KIF21B: variants seen among roughly 807,000 people sequenced by gnomAD.
KIF21B encodes the protein kinesin family member 21B.
Under a neutral mutation model 192.9 loss-of-function variants are expected in KIF21B, and 85 were observed. That is an observed-to-expected ratio of 0.44 (90% confidence interval 0.37 to 0.53). The LOEUF (loss-of-function observed/expected upper bound fraction) is 0.53, where lower values mean the gene tolerates loss of function less well. Among genes scored for constraint, KIF21B ranks in the 20% least tolerant of loss-of-function variants. The pLI is 0.00. For missense variants in KIF21B, 1,716 were observed against 2,194.8 expected, an observed-to-expected ratio of 0.78 and a Z score of 4.36; for synonymous variants, 832 against 884.6, an observed-to-expected ratio of 0.94 and a Z score of 1.05.
chr1:201,006,883 G>C (rs965394486), intron 3 of KIF21B, among the ~76,000 whole-genome samples: 5 of 133,822 alleles, frequency 3.7e-5, no homozygotes, highest in Admixed American at 1.5e-4. Context: ...CAGACACAGA[G>C]ACACATAGAC....
In KIF21B at chr1:201,023,609, G is replaced by A. The variant is rs1030772435; in HGVS notation, c.-226C>T. 5.3e-5 allele frequency: 8 copies of A among 150,818 alleles called. 1 individual carries two copies. The highest frequency in any genetic ancestry group is 1.9e-4 in the African/African-American group (8 of 41,080). 9.3% of individuals were successfully genotyped at this position (150,818 alleles called of 1,614,324 possible). A position where few individuals can be genotyped will look rare whatever the true frequency, so the allele number is the denominator to read the frequency against. ...GCGCCTCCTCGCGCCATCGGGCGGCGGCGCGGAGCTAGCTGACAGCCGGCG... is the reference window on the plus strand; with the variant it reads ...GCGCCTCCTCGCGCCATCGGGCGGCAGCGCGGAGCTAGCTGACAGCCGGCG... On this transcript the variant is annotated 5_prime_UTR_variant, in exon 1 of 35. Transcript: ENST00000461742. The surrounding 1 kb of genome is among the most constrained non-coding windows in gnomAD (Gnocchi z 5.9).
intron 27 of KIF21B, among the ~76,000 whole-genome samples, chr1:200,983,654 T>C (rs1292710066): frequency 6.6e-6 from 1 of 152,168 alleles, no homozygotes; most frequent in African/African-American, 2.4e-5. Context: ...CCTGGACCAT[T>C]GGACAAGACC....
intron 3 of KIF21B, among the ~76,000 whole-genome samples, chr1:201,007,195 C>G (rs1266652108): frequency 7.6e-6 from 1 of 131,224 alleles, no homozygotes; most frequent in East Asian, 2.1e-4. Context: ...CACAGAGACA[C>G]ACAGACACAC....
Position 201,023,342 on chromosome 1 carries a change from C to T in KIF21B, c.41+1G>A. The T allele has an allele frequency of 6.5e-7, 1 of 1,530,800 alleles. No individual in the cohort carries two copies. The allele number at this position is 1,530,800 out of a possible 1,614,324, so 94.8% of individuals were successfully genotyped here. ...CCCCCTTCCCCGCCCCGGGTCCCTACCTGACGGCCACCTTGACGCAGCAGT... is the reference window on the plus strand; with the variant it reads ...CCCCCTTCCCCGCCCCGGGTCCCTATCTGACGGCCACCTTGACGCAGCAGT... On this transcript the variant is annotated splice_donor_variant, in intron 1 of 34. Transcript: ENST00000461742. LOFTEE classifies it high-confidence loss of function. The surrounding 1 kb of genome is among the most constrained non-coding windows in gnomAD (Gnocchi z 5.9).
chr1:200,974,150 G>C (rs559417656), intron 34 of KIF21B: 1 of 1,596,026 alleles, frequency 6.3e-7, no homozygotes, highest in Middle Eastern at 1.8e-4. Flanking sequence ...AGGAAGGCAG[G>C]GGGTGAGTCC....
At chr1:201,011,894 C>T (rs1658253083) in intron 1 of KIF21B, among the ~76,000 whole-genome samples, 1 of 152,222 alleles carries the variant, frequency 6.6e-6, no homozygotes, top group East Asian at 1.9e-4. Context: ...GAATCATCAT[C>T]CCTGGAGACA....
At chr1:200,983,171 G>A in intron 27 of KIF21B, 77 bp from the exon 28 acceptor site, 8 of 1,278,208 alleles carry the variant, frequency 6.3e-6, no homozygotes, top group Non-Finnish European at 8.8e-6. Context: ...CGGCAGCAGT[G>A]TGTGGGGTGG....
chr1:200,986,000 C>T (rs1413050082), intron 26 of KIF21B, among the ~76,000 whole-genome samples: 3 of 151,114 alleles, frequency 2.0e-5, no homozygotes, highest in African/African-American at 7.3e-5. Context: ...TGCACACCAC[C>T]ACGCCCAGCC....
intron 34 of KIF21B, chr1:200,973,801 G>T: frequency 1.4e-6 from 2 of 1,434,582 alleles, no homozygotes; most frequent in Non-Finnish European, 1.8e-6. Flanking sequence ...TTTGTCATGG[G>T]TTTTCTTTTT....
In KIF21B at chr1:200,981,067, T is replaced by C. The variant is rs751902877; in HGVS notation, c.3872A>G (p.Lys1291Arg). The change falls in exon 29 of 35, where the codon AAG becomes AGG. Residue 1291 changes from lysine to arginine, a missense_variant. Transcript: ENST00000461742. ...CTGCAGTGGGGCCGTCCGTGCACCC[T>C]TGGCTCCTCCAACCGGGGAGATGAT... The part of the protein sequence containing the change: ...RGIISPVGGA[K>R]GARTAPLQCV... 27 of 1,598,974 alleles carry C rather than the reference T, an allele frequency of 1.7e-5. No homozygotes were observed. The East Asian group carries it at 5.9e-4, about 35-fold the overall frequency.
chr1:200,989,085 C>A lies in KIF21B; in HGVS notation c.3133-154G>T, dbSNP rs74138807. ...GGCACAGACCTGAGAGCACCGCCAG[C>A]CCCCTTAGCTCCCACATACACACAT... On this transcript the variant is annotated intron_variant, in intron 21 of 34. Coordinates refer to ENST00000461742, the MANE Select transcript of KIF21B (RefSeq NM_001252102.2). Among the ~76,000 whole-genome samples, 1,025 of 152,222 alleles carry A rather than the reference C, an allele frequency of 6.7e-3. 10 individuals carry two copies. The highest frequency in any genetic ancestry group is 0.024 in the African/African-American group (987 of 41,520).
chr1:201,023,403 C>A lies in KIF21B; in HGVS notation c.-20G>T. ...GGCCATGGCCCTCTGGAGCTAGGGT[C>A]TGGGCGTGGATCAGAGGCGGGGGTC... On this transcript the variant is annotated 5_prime_UTR_variant, in exon 1 of 35. Transcript: ENST00000461742. This position sits in a 1 kb window ranked among gnomAD's most constrained non-coding sequence, Gnocchi z 5.9. 2 of 1,493,324 alleles carry A rather than the reference C, an allele frequency of 1.3e-6. No homozygotes were observed. The highest frequency in any genetic ancestry group is 1.3e-5 in the South Asian group (1 of 78,704). 92.5% of individuals were successfully genotyped at this position (1,493,324 alleles called of 1,614,324 possible). A position where few individuals can be genotyped will look rare whatever the true frequency, so the allele number is the denominator to read the frequency against.
Position 200,992,318 on chromosome 1 carries a change from C to T in KIF21B, c.2349G>A (p.Glu783=). The T allele has an allele frequency of 6.2e-7, 1 of 1,612,998 alleles. No individual in the cohort carries two copies. Among genetic ancestry groups the T allele is most frequent in the Non-Finnish European group, 8.5e-7 (1 of 1,180,042 alleles). Residue 783 remains glutamate (E), a synonymous_variant, in exon 16 of 35, where the codon GAG becomes GAA. Transcript: ENST00000461742. ...RRLVETKRNR[E]IAQLKKEQRR... ...GCTGCTCCTTCTTGAGCTGTGCGAT[C>T]TCCCGGTTCCTCTTGGTCTCCACTA...
chr1:200,974,101 C>A, intron 34 of KIF21B: 1 of 1,611,610 alleles, frequency 6.2e-7, no homozygotes, highest in Non-Finnish European at 8.5e-7. Context: ...AGGGTCAGGG[C>A]AGGGTGGTGG....
Position 201,004,912 on chromosome 1 carries a change from GC to G in KIF21B, c.753del (p.Leu252PhefsTer29). 6.2e-7 allele frequency: 1 copy of G among 1,609,248 alleles called. No homozygotes were observed. Among genetic ancestry groups the G allele is most frequent in the South Asian group, 1.1e-5 (1 of 91,000 alleles). On this transcript the variant is annotated frameshift_variant, in exon 6 of 35. Transcript: ENST00000461742. LOFTEE classifies it high-confidence loss of function. ...CTCGAGGGAGGTGTACCATCAGGAA[GC>G]CCAGTCACCGCCTCATTCACCTGCA... ...QPDLVNEAVT[G>X]LPDGTPPSSE...
intron 7 of KIF21B, 46 bp from the exon 8 acceptor site, chr1:201,003,827 C>A (rs1298015050): frequency 6.3e-7 from 1 of 1,590,686 alleles, no homozygotes; most frequent in Non-Finnish European, 8.6e-7. Context: ...ACACAGCCAG[C>A]CCCCAGAAGC....
At chr1:201,009,242 T>TA (rs576143189) in intron 2 of KIF21B, 24 bp downstream of exon 2, 25 of 1,603,636 alleles carry the variant, frequency 1.6e-5, no homozygotes, top group Admixed American at 6.7e-5. Context: ...GGAGCCGCCA[T>TA]AGGTGGGCGT....
chr1:200,992,674 C>T (rs1256467934), intron 15 of KIF21B, among the ~76,000 whole-genome samples: 1 of 152,232 alleles, frequency 6.6e-6, no homozygotes, highest in Non-Finnish European at 1.5e-5. Flanking sequence ...CTTGGAATGC[C>T]ACAGCCCCTG....
intron 1 of KIF21B, among the ~76,000 whole-genome samples, chr1:201,014,157 G>C (rs1055826948): frequency 1.3e-4 from 20 of 152,376 alleles, no homozygotes; most frequent in African/African-American, 4.1e-4. Context: ...AAGTTGCTGA[G>C]CTTCCTCTGT....
Sources: allele counts gnomAD v4.1 joint callset (sites outside exome capture counted in the v4.1 genomes callset), GRCh38; gene constraint gnomAD v4.1.1; non-coding constraint Gnocchi (gnomAD v3.1); transcripts MANE v1.5; gene names NCBI Gene and HGNC (gene_info 2026-07-23, HGNC 2026-07-21).